Variants in PACS2 observed in about 807,000 individuals in gnomAD.
PACS2 encodes phosphofurin acidic cluster sorting protein 2.
Under a neutral mutation model 113.0 loss-of-function variants are expected in PACS2, and 36 were observed. The ratio of observed to expected loss-of-function variants is 0.32; its 90% CI spans 0.24 to 0.42. PACS2 has a LOEUF of 0.42. Among genes scored for constraint, PACS2 ranks in the 10% least tolerant of loss-of-function variants. The probability of loss-of-function intolerance (pLI) is 1.00; values close to 1 mark genes in which losing one functional copy is unlikely to be tolerated. For synonymous variants in PACS2, 589 were observed against 536.1 expected (o/e 1.10, Z -1.36); for missense variants, 1,015 against 1,239.5 (o/e 0.82, Z 2.72).
intron 8 of PACS2, chr14:105,372,992 C>T (rs1255254553): frequency 6.6e-6 from 1 of 152,022 alleles, no homozygotes; most frequent in Non-Finnish European, 1.5e-5. Flanking sequence ...ATATTAAAAA[C>T]TTTCAAAACC....
At position 105,315,017 on chromosome 14, in the gene PACS2, C is replaced by A; in HGVS notation, c.99C>A (p.Ser33=). 8.1e-7 allele frequency: 1 copy of A among 1,238,368 alleles called. No individual in the cohort carries two copies. The highest frequency in any genetic ancestry group is 1.0e-6 in the Non-Finnish European group (1 of 971,642). The allele number at this position is 1,238,368 out of a possible 1,614,324, so 76.7% of individuals were successfully genotyped here. Residue 33 remains serine (S), a synonymous_variant, in exon 1 of 25, where the codon TCC becomes TCA. Transcript: ENST00000447393. This position sits in a 1 kb window ranked among gnomAD's most constrained non-coding sequence, Gnocchi z 4.4. ...NLFATWEVDG[S]SPSCVPRLCS... is the part of the protein sequence containing the mutation. ...TCGCCACCTGGGAGGTGGACGGCTC[C>A]AGCCCCAGCTGCGTGCCCAGGTACG...
At chr14:105,327,372 G>A (rs1037753396) in intron 1 of PACS2, among the ~76,000 whole-genome samples, 13 of 152,252 alleles carry the variant, frequency 8.5e-5, no homozygotes, top group African/African-American at 2.9e-4. Context: ...ACTGGGGATC[G>A]TGGGCCTGAG....
At chr14:105,328,863 G>A (rs1039062860) in intron 1 of PACS2, among the ~76,000 whole-genome samples, 3 of 152,186 alleles carry the variant, frequency 2.0e-5, no homozygotes, top group African/African-American at 7.2e-5. Flanking sequence ...GAGGCAGGGC[G>A]GCGTCCTCTC....
intron 1 of PACS2, among the ~76,000 whole-genome samples, chr14:105,328,865 C>T (rs986800234): frequency 7.9e-5 from 12 of 152,218 alleles, no homozygotes; most frequent in Admixed American, 2.0e-4. Flanking sequence ...GGCAGGGCGG[C>T]GTCCTCTCTC....
intron 24 of PACS2, chr14:105,393,639 G>C (rs2081441222): frequency 3.4e-6 from 1 of 291,036 alleles, no homozygotes; most frequent in African/African-American, 2.3e-5. Flanking sequence ...ACCCAGGCTG[G>C]AGTGCAATGG....
At chr14:105,362,220 C>CAT (rs1278903167) in intron 4 of PACS2, among the ~76,000 whole-genome samples, 2 of 150,678 alleles carry the variant, frequency 1.3e-5, no homozygotes, top group Non-Finnish European at 3.0e-5. Flanking sequence ...AGATCAAGAC[C>CAT]ATCCTGGCTA....
chr14:105,349,961 TAGC>T (rs1395677894), intron 2 of PACS2, among the ~76,000 whole-genome samples: 2 of 139,352 alleles, frequency 1.4e-5, no homozygotes, highest in Non-Finnish European at 3.0e-5. Context: ...GCGTGGCTAA[TAGC>T]AGGACCCCGA....
Position 105,368,527 on chromosome 14 carries a change from G to C in PACS2, c.729G>C (p.Thr243=), listed in dbSNP as rs144926027. 2 of 1,613,524 alleles carry C rather than the reference G, an allele frequency of 1.2e-6. No homozygotes were observed. The highest frequency in any genetic ancestry group is 4.5e-5 in the East Asian group (2 of 44,886). ...KKQRRSIVRT[T]SMTRQQNFKQ... ...AGCGGAGATCGATTGTAAGAACGACGTCCATGACCAGGGTTGGTGGAGACT... is the reference window on the plus strand; with the variant it reads ...AGCGGAGATCGATTGTAAGAACGACCTCCATGACCAGGGTTGGTGGAGACT... The change falls in exon 7 of 25, where the codon ACG becomes ACC. Residue 243 remains threonine, a synonymous_variant. Coordinates refer to ENST00000447393, the MANE Select transcript of PACS2 (RefSeq NM_001100913.3).
chr14:105,369,983 G>A (rs1251307730), intron 8 of PACS2, 83 bp downstream of exon 8: 24 of 1,192,350 alleles, frequency 2.0e-5, no homozygotes, highest in Non-Finnish European at 2.4e-5. Context: ...GTCTGTCTCC[G>A]GGCCACCTCT....
In PACS2 at chr14:105,348,700, G is replaced by A; in HGVS notation, c.207+120G>A. 1.3e-6 allele frequency: 1 copy of A among 756,786 alleles called. No homozygotes were observed. The highest frequency in any genetic ancestry group is 2.3e-6 in the Non-Finnish European group (1 of 436,484). The allele number at this position is 756,786 out of a possible 1,614,324, so 46.9% of individuals were successfully genotyped here. A position where few individuals can be genotyped will look rare whatever the true frequency, so the allele number is the denominator to read the frequency against. ...TGTGCCAAAACAGCGGGCAGCCCAT[G>A]CCATCTCCGGGAGCCCGGGGGGCTG... On this transcript the variant is annotated intron_variant, in intron 2 of 24. Coordinates refer to ENST00000447393, the MANE Select transcript of PACS2 (RefSeq NM_001100913.3). The surrounding 1 kb of genome is among the most constrained non-coding windows in gnomAD (Gnocchi z 6.4).
chr14:105,377,740 G>C (rs1436964665), intron 9 of PACS2, among the ~76,000 whole-genome samples: 1 of 152,246 alleles, frequency 6.6e-6, no homozygotes, highest in Non-Finnish European at 1.5e-5. Flanking sequence ...TGCTCCTTCA[G>C]TTGCCAGCAG....
rs782337275 is a variant in PACS2 at position 105,384,854 on chromosome 14, C to A, written c.1892-25C>A. On this transcript the variant is annotated intron_variant, in intron 17 of 24. Coordinates refer to ENST00000447393, the MANE Select transcript of PACS2 (RefSeq NM_001100913.3). ...CAACCCCACCTGGCACCAGCCTAAC[C>A]CCCCACCGCCTCCTCCCCCTGCAGT... The A allele has an allele frequency of 2.1e-6, 3 of 1,459,000 alleles. No individual in the cohort carries two copies. The South Asian group carries it at 3.6e-5, about 18-fold the overall frequency. 90.4% of individuals were successfully genotyped at this position (1,459,000 alleles called of 1,614,324 possible). A position where few individuals can be genotyped will look rare whatever the true frequency, so the allele number is the denominator to read the frequency against.
chr14:105,301,237 A>G, intron 1 of PACS2: 1 of 146,246 alleles, frequency 6.8e-6, no homozygotes, highest in East Asian at 2.1e-4. Flanking sequence ...GGGGCAGAGG[A>G]GGGTCCTCCT....
chr14:105,332,936 C>T (rs987700011), intron 1 of PACS2, among the ~76,000 whole-genome samples: 1 of 152,212 alleles, frequency 6.6e-6, no homozygotes, highest in Non-Finnish European at 1.5e-5. Flanking sequence ...ATCGTCCCCC[C>T]ACTTTTTTGT....
intron 2 of PACS2, among the ~76,000 whole-genome samples, chr14:105,349,949 G>GTGCGTGGCT (rs2060101641): frequency 1.3e-5 from 2 of 150,062 alleles, no homozygotes; most frequent in African/African-American, 5.0e-5. Context: ...ACTTCCAGGA[G>GTGCGTGGCT]AGCGTGGCTA....
At chr14:105,373,069 T>A (rs988909660) in intron 8 of PACS2, among the ~76,000 whole-genome samples, 3 of 152,226 alleles carry the variant, frequency 2.0e-5, no homozygotes, top group African/African-American at 7.2e-5. Flanking sequence ...GAAACATTTT[T>A]TAAAGAAAGA....
At chr14:105,304,246 CT>C (rs928729085) in intron 1 of PACS2, among the ~76,000 whole-genome samples, 18 of 152,172 alleles carry the variant, frequency 1.2e-4, no homozygotes, top group African/African-American at 4.1e-4. Flanking sequence ...AATCCCAGCA[CT>C]TTGGGAGGCT....
chr14:105,382,823 T>C lies in PACS2; in HGVS notation c.1535T>C (p.Leu512Pro). 6.2e-7 allele frequency: 1 copy of C among 1,600,760 alleles called. No homozygotes were observed. The highest frequency in any genetic ancestry group is 8.5e-7 in the Non-Finnish European group (1 of 1,174,468). ...DWQGQFLSDV[L>P]QRHTLPVVCT... ...TTCTGCCAGTTCCTCTCCGACGTCC[T>C]GCAGAGGCACACGCTCCCCGTGGTG... Residue 512 changes from leucine (L) to proline (P), a missense_variant, in exon 15 of 25, where the codon CTG becomes CCG. Leu to Pro is a moderately conservative substitution (Grantham distance 98). Transcript: ENST00000447393.
At chr14:105,369,813 C>A in intron 7 of PACS2, 28 bp from the exon 8 acceptor site, 1 of 1,546,116 alleles carries the variant, frequency 6.5e-7, no homozygotes, top group South Asian at 1.2e-5. Flanking sequence ...CTGGCGGCGG[C>A]TCTGACTCTG....
Sources: allele counts gnomAD v4.1 joint callset (sites outside exome capture counted in the v4.1 genomes callset), GRCh38; gene constraint gnomAD v4.1.1; non-coding constraint Gnocchi (gnomAD v3.1); transcripts MANE v1.5; gene names NCBI Gene and HGNC (gene_info 2026-07-23, HGNC 2026-07-21).